The following CFAP43 variants were observed in gnomAD, a reference collection of about 807,000 sequenced individuals.
CFAP43 encodes cilia- and flagella-associated protein 43.
CFAP43 carries 155 observed loss-of-function variants against 218.9 expected under a neutral mutation model. That is an observed-to-expected ratio of 0.71 (90% CI 0.62 to 0.81). CFAP43 has a LOEUF of 0.81. Among genes scored for constraint, CFAP43 ranks in the 30% least tolerant of loss-of-function variants. The pLI, the probability that CFAP43 is intolerant of heterozygous loss-of-function variation, is 0.00. For missense variants in CFAP43, 1,778 were observed against 1,954.3 expected, an observed-to-expected ratio of 0.91 and a Z score of 1.70; for synonymous variants, 645 against 681.3, an observed-to-expected ratio of 0.95 and a Z score of 0.83.
chr10:104,178,360 C>T (rs986874431), intron 19 of CFAP43, among the ~76,000 whole-genome samples: 5 of 152,202 alleles, frequency 3.3e-5, no homozygotes, highest in African/African-American at 1.2e-4. Flanking sequence ...GAAGGGCTTA[C>T]CCAAAACAAA....
chr10:104,169,313 G>A (rs575151434), intron 20 of CFAP43, among the ~76,000 whole-genome samples: 3 of 152,202 alleles, frequency 2.0e-5, no homozygotes, highest in Admixed American at 1.3e-4. Flanking sequence ...TTGAAATCTC[G>A]CCAACACACA....
intron 37 of CFAP43, 73 bp from the exon 38 acceptor site, chr10:104,130,378 A>C (rs1410054262): frequency 5.3e-6 from 8 of 1,520,062 alleles, no homozygotes; most frequent in Middle Eastern, 2.0e-4. Context: ...ACTCAGAATC[A>C]TACATGTGGA....
chr10:104,226,927 C>T (rs1312928976), intron 2 of CFAP43, among the ~76,000 whole-genome samples: 1 of 151,926 alleles, frequency 6.6e-6, no homozygotes, highest in South Asian at 2.1e-4. Context: ...CTGAGGCAGG[C>T]GAATCGCTTG....
intron 8 of CFAP43, among the ~76,000 whole-genome samples, chr10:104,202,715 T>G (rs552654093): frequency 6.6e-6 from 1 of 152,264 alleles, no homozygotes; most frequent in South Asian, 2.1e-4. Flanking sequence ...AGAAGTTCTA[T>G]TTGGGTCTTT....
intron 27 of CFAP43, among the ~76,000 whole-genome samples, chr10:104,158,773 G>T (rs939045922): frequency 1.3e-5 from 2 of 151,950 alleles, no homozygotes; most frequent in Non-Finnish European, 1.5e-5. Context: ...GAATATTTTT[G>T]TTCTTAGGAG....
Position 104,143,513 on chromosome 10 carries a change from A to G in CFAP43, c.4071T>C (p.Asn1357=), listed in dbSNP as rs767242373. Residue 1357 remains asparagine (N), a synonymous_variant, in exon 32 of 38, where the codon AAT becomes AAC. Coordinates refer to ENST00000357060, the MANE Select transcript of CFAP43 (RefSeq NM_025145.7). ...QLMKAMDELD[N]ISNMPEGLDP... is the part of the protein sequence containing the mutation. ...CCAAGCCTTCTGGCATGTTACTAATATTGTCCAACTCATCCATAGCTTTCA... is the reference window on the plus strand; with the variant it reads ...CCAAGCCTTCTGGCATGTTACTAATGTTGTCCAACTCATCCATAGCTTTCA... 6 of 1,614,186 alleles carry G rather than the reference A, an allele frequency of 3.7e-6. No homozygotes were observed. Among genetic ancestry groups the G allele is most frequent in the Non-Finnish European group, 5.1e-6 (6 of 1,180,032 alleles).
chr10:104,214,291 T>C lies in CFAP43; in HGVS notation c.552A>G (p.Glu184=), dbSNP rs377659127. Residue 184 remains glutamate (E), a synonymous_variant, in exon 4 of 38, where the codon GAA becomes GAG. Transcript: ENST00000357060. ...TGAAACAATGCTCCTGGTTACTTCT[T>C]TCAATGGTCCACACGCTCACTGTAC... ...SPSTVSVWTI[E]RSNQEHCFRA... The C allele has an allele frequency of 1.4e-5, 22 of 1,600,026 alleles. No individual in the cohort carries two copies. In the African/African-American group the frequency reaches 3.0e-4, roughly 21 times the overall value.
At chr10:104,135,707 T>A (rs995436347) in intron 34 of CFAP43, among the ~76,000 whole-genome samples, 55 of 152,246 alleles carry the variant, frequency 3.6e-4, no homozygotes, top group African/African-American at 1.2e-3. Context: ...AAAATATTAC[T>A]GAAAGAATAT....
chr10:104,161,899 TA>T (rs2088895311), intron 26 of CFAP43, 61 bp downstream of exon 26: 1 of 1,515,714 alleles, frequency 6.6e-7, no homozygotes, highest in Non-Finnish European at 9.0e-7. Context: ...ACAAAAATGG[TA>T]AAACTTAAGT....
At chr10:104,177,144 C>A (rs530217873) in intron 19 of CFAP43, among the ~76,000 whole-genome samples, 53 of 152,100 alleles carry the variant, frequency 3.5e-4, no homozygotes, top group African/African-American at 1.2e-3. Flanking sequence ...TTAAAATGCC[C>A]ATCGAAGTCT....
rs750559190 is a variant in CFAP43, at chr10:104,196,948, A to G, written c.1213-15T>C. ...TATGTAAGTGTCTGTAAAAAAAGAA[A>G]AACAAAAACTCTACATGGAAAATAA... On this transcript the variant is annotated splice_polypyrimidine_tract_variant and intron_variant, in intron 9 of 37. Transcript: ENST00000357060. The G allele has an allele frequency of 6.2e-7, 1 of 1,601,160 alleles. No individual in the cohort carries two copies. Among genetic ancestry groups the G allele is most frequent in the South Asian group, 1.1e-5 (1 of 88,898 alleles).
chr10:104,156,401 T>G (rs2088547457), intron 27 of CFAP43, among the ~76,000 whole-genome samples: 1 of 152,220 alleles, frequency 6.6e-6, no homozygotes, highest in South Asian at 2.1e-4. Context: ...ATAGTATTTG[T>G]TTTGTTTGTT....
chr10:104,146,635 C>T (rs2087987430), intron 29 of CFAP43, among the ~76,000 whole-genome samples: 2 of 152,136 alleles, frequency 1.3e-5, no homozygotes, highest in Admixed American at 1.3e-4. Context: ...TGAAAGTGCA[C>T]AGGCTTCGGA....
At chr10:104,188,548 G>A (rs2090107462) in intron 12 of CFAP43, 138 bp from the exon 13 acceptor site, 1 of 1,158,596 alleles carries the variant, frequency 8.6e-7, no homozygotes, top group Admixed American at 2.8e-5. Context: ...GACATTTAAA[G>A]TGACCTTTAA....
chr10:104,176,291 T>G (rs894677844), intron 19 of CFAP43, among the ~76,000 whole-genome samples: 2 of 152,062 alleles, frequency 1.3e-5, no homozygotes, highest in Non-Finnish European at 2.9e-5. Flanking sequence ...GGCTATTTAT[T>G]TGAAAAAATA....
chr10:104,182,127 G>A (rs1467371152), intron 17 of CFAP43, among the ~76,000 whole-genome samples: 1 of 151,986 alleles, frequency 6.6e-6, no homozygotes, highest in African/African-American at 2.4e-5. Flanking sequence ...TTTTTTCCAG[G>A]CAAGCCTGGA....
intron 7 of CFAP43, among the ~76,000 whole-genome samples, chr10:104,204,555 C>G (rs1402549927): frequency 6.6e-6 from 1 of 152,196 alleles, no homozygotes; most frequent in Non-Finnish European, 1.5e-5. Flanking sequence ...CATTCTCCAT[C>G]ACTCACCAGA....
rs769076064 is a variant in CFAP43 at position 104,152,601 on chromosome 10, A to G, written c.3660+6T>C. 4.3e-6 allele frequency: 7 copies of G among 1,612,738 alleles called. No individual in the cohort carries two copies. The highest frequency in any genetic ancestry group is 5.9e-6 in the Non-Finnish European group (7 of 1,179,640). ...TAAAAGTCACATAAGTAAAGCTTTT[A>G]TTTACCTGGTTGGTAACCATCTCTG... On this transcript the variant is annotated splice_donor_region_variant and intron_variant, in intron 28 of 37. Coordinates refer to ENST00000357060, the MANE Select transcript of CFAP43 (RefSeq NM_025145.7).
intron 20 of CFAP43, among the ~76,000 whole-genome samples, chr10:104,170,629 C>G (rs2089370198): frequency 6.6e-6 from 1 of 152,094 alleles, no homozygotes; most frequent in South Asian, 2.1e-4. Context: ...AGCCAAGTGA[C>G]TCTAATTCTC....
Sources: allele counts gnomAD v4.1 joint callset (sites outside exome capture counted in the v4.1 genomes callset), GRCh38; gene constraint gnomAD v4.1.1; transcripts MANE v1.5; gene names NCBI Gene and HGNC (gene_info 2026-07-23, HGNC 2026-07-21).